Variants in JAM2 observed in about 807,000 individuals in gnomAD.
JAM2 encodes junctional adhesion molecule 2, also known as junctional adhesion molecule B.
Under a neutral mutation model 42.0 loss-of-function variants are expected in JAM2, and 17 were observed. The observed-to-expected ratio is 0.40, with a 90% CI of 0.28 to 0.61. The LOEUF (loss-of-function observed/expected upper bound fraction) is 0.61, where lower values mean the gene tolerates loss of function less well. JAM2 is among the 20% of genes least tolerant of loss of function. The pLI, the probability that JAM2 is intolerant of heterozygous loss-of-function variation, is 0.37. For missense variants in JAM2, 319 were observed against 358.3 expected, an observed-to-expected ratio of 0.89 and a Z score of 0.89; for synonymous variants, 118 against 128.6, an observed-to-expected ratio of 0.92 and a Z score of 0.56.
chr21:25,675,200 G>T (rs984457351), intron 1 of JAM2, among the ~76,000 whole-genome samples: 1 of 152,046 alleles, frequency 6.6e-6, no homozygotes, highest in Non-Finnish European at 1.5e-5. Context: ...GTGGGGAGGT[G>T]CTACACACTT....
chr21:25,651,061 CAAAAA>C (rs35308745), intron 1 of JAM2, among the ~76,000 whole-genome samples: 13 of 71,036 alleles, frequency 1.8e-4, no homozygotes, highest in South Asian at 1.8e-3. Flanking sequence ...CTCCCCCCGC[CAAAAA>C]AAAAAAAAAA....
intron 8 of JAM2, chr21:25,712,135 C>T: frequency 1.7e-6 from 1 of 595,312 alleles, no homozygotes; most frequent in Non-Finnish European, 3.1e-6. Context: ...AGGCTTCACA[C>T]TGATGTTTTG....
At chr21:25,696,160 C>T (rs1168984166) in intron 4 of JAM2, among the ~76,000 whole-genome samples, 1 of 152,204 alleles carries the variant, frequency 6.6e-6, no homozygotes, top group Non-Finnish European at 1.5e-5. Context: ...CCGAGGCTGG[C>T]AGATCACTCG....
rs1043828408 is a variant in JAM2, at chr21:25,693,106, T to G, written c.242-650T>G. ...AGTGAACTGCTTAACTGACAGTTAT[T>G]AACCTTACACATAAAGATTTCAAAA... is the stretch of plus-strand genomic sequence containing the variant. On this transcript the variant is annotated intron_variant, in intron 3 of 9. Transcript: ENST00000480456. 3.3e-5 allele frequency among the ~76,000 whole-genome samples: 5 copies of G among 152,154 alleles called. No individual in the cohort carries two copies. The South Asian group carries it at 6.2e-4, about 19-fold the overall frequency.
At chr21:25,683,862 C>A in intron 1 of JAM2, 21 bp from the exon 2 acceptor site, 1 of 1,537,876 alleles carries the variant, frequency 6.5e-7, no homozygotes. Flanking sequence ...TTTAATTATC[C>A]TATCTGTTTT....
chr21:25,689,058 G>T (rs2033818598), intron 2 of JAM2, among the ~76,000 whole-genome samples: 1 of 151,210 alleles, frequency 6.6e-6, no homozygotes, highest in Non-Finnish European at 1.5e-5. Context: ...TTTGGACAGT[G>T]AAAAGAAGGG....
chr21:25,687,505 T>G lies in JAM2; in HGVS notation c.134-2361T>G, dbSNP rs531843993. On this transcript the variant is annotated intron_variant, in intron 2 of 9. Coordinates refer to ENST00000480456, the MANE Select transcript of JAM2 (RefSeq NM_021219.4). The stretch of plus-strand genomic sequence containing the variant: ...TTTGGCTGAAGAGAGAGAAGAGAAT[T>G]CATGAGAGTTAGGTTGTAAGTTCAT... Among the ~76,000 whole-genome samples, 9 of 152,324 alleles carry G rather than the reference T, an allele frequency of 5.9e-5. No homozygotes were observed. The South Asian group carries it at 1.9e-3, about 32-fold the overall frequency.
intron 3 of JAM2, among the ~76,000 whole-genome samples, chr21:25,691,974 A>C (rs969322985): frequency 6.6e-6 from 1 of 151,336 alleles, no homozygotes; most frequent in Non-Finnish European, 1.5e-5. Context: ...ACGCCACTGC[A>C]CTCCAGCCTG....
At chr21:25,652,450 A>G (rs889220344) in intron 1 of JAM2, among the ~76,000 whole-genome samples, 1 of 152,334 alleles carries the variant, frequency 6.6e-6, no homozygotes, top group East Asian at 1.9e-4. Context: ...TAGTGATATA[A>G]CCACATAAAG....
chr21:25,664,381 G>A (rs1231295852), intron 1 of JAM2, among the ~76,000 whole-genome samples: 5 of 152,062 alleles, frequency 3.3e-5, no homozygotes, highest in African/African-American at 7.2e-5. Context: ...GGCTATAGGC[G>A]CACGCCATCA....
intron 1 of JAM2, among the ~76,000 whole-genome samples, chr21:25,668,355 A>AAGCAGGACAGT (rs1180645571): frequency 2.0e-5 from 3 of 152,196 alleles, no homozygotes; most frequent in African/African-American, 7.2e-5. Flanking sequence ...GGCAGGACAG[A>AAGCAGGACAGT]AGCAGGACAG....
At chr21:25,658,123 T>C (rs2032988148) in intron 1 of JAM2, among the ~76,000 whole-genome samples, 1 of 152,126 alleles carries the variant, frequency 6.6e-6, no homozygotes, top group Non-Finnish European at 1.5e-5. Context: ...AGGCCTTAGG[T>C]AATGAGATCC....
At chr21:25,712,307 T>C in intron 8 of JAM2, 33 bp from the exon 9 acceptor site, 1 of 1,415,262 alleles carries the variant, frequency 7.1e-7, no homozygotes, top group South Asian at 1.2e-5. Flanking sequence ...AGTGATAATG[T>C]AGTAAATATT....
At chr21:25,699,722 CAAAAAAAAAAAAAAAA>C (rs59490509) in intron 5 of JAM2, among the ~76,000 whole-genome samples, 5 of 41,942 alleles carry the variant, frequency 1.2e-4, no homozygotes, top group Admixed American at 8.1e-4. Context: ...GGCTCCGTCT[CAAAAAAAAAAAAAAAA>C]AAAAAAAAAA....
chr21:25,662,399 C>A (rs1182030571), intron 1 of JAM2, among the ~76,000 whole-genome samples: 2 of 151,424 alleles, frequency 1.3e-5, no homozygotes, highest in Non-Finnish European at 2.9e-5. Flanking sequence ...GTCCTCCAGC[C>A]TCAGCCTCCC....
At chr21:25,696,221 A>C (rs1316617413) in intron 4 of JAM2, among the ~76,000 whole-genome samples, 1 of 152,150 alleles carries the variant, frequency 6.6e-6, no homozygotes, top group East Asian at 1.9e-4. Context: ...CCCCGTCTCC[A>C]CCAAAAAAAT....
At chr21:25,710,700 G>A (rs1247335766) in intron 8 of JAM2, among the ~76,000 whole-genome samples, 2 of 152,192 alleles carry the variant, frequency 1.3e-5, no homozygotes, top group East Asian at 1.9e-4. Context: ...GGAGATGAGC[G>A]TACAAAAGTA....
chr21:25,699,722 CAAAAAAAAAAAAAA>C (rs59490509), intron 5 of JAM2, among the ~76,000 whole-genome samples: 6 of 41,942 alleles, frequency 1.4e-4, no homozygotes, highest in South Asian at 1.4e-3. Context: ...GGCTCCGTCT[CAAAAAAAAAAAAAA>C]AAAAAAAAAA....
intron 1 of JAM2, among the ~76,000 whole-genome samples, chr21:25,676,882 C>A (rs1356605238): frequency 6.6e-6 from 1 of 151,820 alleles, no homozygotes. Context: ...TAAAAAGGAA[C>A]TCTAAGACTA....
Sources: allele counts gnomAD v4.1 joint callset (sites outside exome capture counted in the v4.1 genomes callset), GRCh38; gene constraint gnomAD v4.1.1; transcripts MANE v1.5; gene names NCBI Gene and HGNC (gene_info 2026-07-23, HGNC 2026-07-21).